Variants in PAN3 observed in about 807,000 individuals in gnomAD.
PAN3 encodes the protein poly(A) specific ribonuclease subunit PAN3, also known as PAN2-PAN3 deadenylation complex subunit PAN3.
Under a neutral mutation model 96.2 loss-of-function variants are expected in PAN3, and 19 were observed. The ratio of observed to expected loss-of-function variants is 0.20; its 90% confidence interval spans 0.14 to 0.29. The LOEUF is 0.29. Among genes scored for constraint, PAN3 ranks in the 10% least tolerant of loss-of-function variants. The pLI is 1.00. For synonymous variants in PAN3, 433 were observed against 406.6 expected (o/e 1.06, Z -0.78); for missense variants, 882 against 1,108.1 (o/e 0.80, Z 2.90).
chr13:28,203,414 C>T (rs2138270415), intron 5 of PAN3, among the ~76,000 whole-genome samples: 1 of 152,190 alleles, frequency 6.6e-6, no homozygotes, highest in South Asian at 2.1e-4. Flanking sequence ...AGCAGTTCTC[C>T]CACTTTAGCC....
At chr13:28,224,608 A>G (rs1170621920) in intron 6 of PAN3, among the ~76,000 whole-genome samples, 1 of 151,994 alleles carries the variant, frequency 6.6e-6, no homozygotes, top group Non-Finnish European at 1.5e-5. Context: ...ATCATTAGAT[A>G]TGTTTTCTTG....
chr13:28,160,377 T>G (rs1035538492), intron 1 of PAN3, among the ~76,000 whole-genome samples: 1 of 152,146 alleles, frequency 6.6e-6, no homozygotes, highest in Non-Finnish European at 1.5e-5. Flanking sequence ...GCAGTGGAAA[T>G]GAATTAGAGG....
chr13:28,210,396 T>C (rs532582345), intron 5 of PAN3, among the ~76,000 whole-genome samples: 1 of 152,134 alleles, frequency 6.6e-6, no homozygotes, highest in East Asian at 1.9e-4. Flanking sequence ...AGGAGAACTT[T>C]TATTTAGAAG....
intron 1 of PAN3, among the ~76,000 whole-genome samples, chr13:28,154,757 A>G (rs1048838497): frequency 4.0e-5 from 6 of 151,110 alleles, no homozygotes; most frequent in African/African-American, 1.5e-4. Context: ...TAGCCTCCCA[A>G]AGTGCTAGGA....
At chr13:28,244,500 A>G (rs1883988666) in intron 6 of PAN3, among the ~76,000 whole-genome samples, 1 of 152,158 alleles carries the variant, frequency 6.6e-6, no homozygotes, top group African/African-American at 2.4e-5. Context: ...TGAGCAGGTC[A>G]TCTCCTCCCT....
intron 1 of PAN3, among the ~76,000 whole-genome samples, chr13:28,163,496 A>G (rs868553510): frequency 8.5e-5 from 13 of 152,210 alleles, no homozygotes; most frequent in Admixed American, 6.5e-4. Context: ...TCCACACCAC[A>G]ACCCTATGAG....
At chr13:28,272,299 C>T (rs1358375349) in intron 14 of PAN3, 1 of 323,460 alleles carries the variant, frequency 3.1e-6, no homozygotes, top group African/African-American at 2.2e-5. Context: ...TTGCTTCTGT[C>T]TTGCTCTGTC....
chr13:28,182,529 A>G (rs1379032432), intron 4 of PAN3, among the ~76,000 whole-genome samples: 8 of 152,102 alleles, frequency 5.3e-5, no homozygotes, highest in African/African-American at 1.7e-4. Context: ...ACTTCTGTAA[A>G]TTTTTTTAAG....
At chr13:28,192,505 C>T (rs1410386678) in intron 4 of PAN3, among the ~76,000 whole-genome samples, 1 of 152,234 alleles carries the variant, frequency 6.6e-6, no homozygotes, top group Admixed American at 6.5e-5. Context: ...ACCTATACTA[C>T]ATACTTCCAT....
At chr13:28,261,510 C>T (rs377699512) in intron 9 of PAN3, 52 bp downstream of exon 9, 852 of 1,491,784 alleles carry the variant, frequency 5.7e-4, no homozygotes, top group Non-Finnish European at 7.0e-4. Flanking sequence ...ATAATTCTTA[C>T]GTGGTAGTAC....
chr13:28,257,816 AT>A (rs1299784239), intron 7 of PAN3, among the ~76,000 whole-genome samples: 1 of 142,762 alleles, frequency 7.0e-6, no homozygotes, highest in Non-Finnish European at 1.5e-5. Context: ...AATTATATAA[AT>A]ATATATATTT....
At chr13:28,139,813 T>C (rs1869438904) in intron 1 of PAN3, among the ~76,000 whole-genome samples, 1 of 152,150 alleles carries the variant, frequency 6.6e-6, no homozygotes, top group Non-Finnish European at 1.5e-5. Context: ...TCCTGTCTTC[T>C]ATAGCTTTGT....
chr13:28,138,702 C>G lies in PAN3; in HGVS notation c.45C>G (p.Ser15=). 1 of 1,131,566 alleles carries G rather than the reference C, an allele frequency of 8.8e-7. No homozygotes were observed. Among genetic ancestry groups the G allele is most frequent in the Non-Finnish European group, 1.1e-6 (1 of 870,582 alleles). 70.1% of individuals were successfully genotyped at this position (1,131,566 alleles called of 1,614,324 possible). Reference sequence around the variant, plus strand: ...TCCCGCCCCCCTCGGCCGCCGCCTCCCCTTCCTCCTCCTCGCTGGCGGCGG... The same window carrying G: ...TCCCGCCCCCCTCGGCCGCCGCCTCGCCTTCCTCCTCCTCGCTGGCGGCGG... ...GGLPPPSAAA[S]PSSSSLAAAV... The change falls in exon 1 of 19, where the codon TCC becomes TCG. Residue 15 remains serine (S), a synonymous_variant. Coordinates refer to ENST00000380958, the MANE Select transcript of PAN3 (RefSeq NM_175854.8).
intron 2 of PAN3, 69 bp downstream of exon 2, chr13:28,174,462 C>A: frequency 6.7e-7 from 1 of 1,497,348 alleles, no homozygotes; most frequent in East Asian, 2.4e-5. Flanking sequence ...ATAGAGTCTT[C>A]ATTTATTCCT....
At chr13:28,202,383 C>T (rs889306634) in intron 5 of PAN3, among the ~76,000 whole-genome samples, 37 of 152,228 alleles carry the variant, frequency 2.4e-4, no homozygotes, top group African/African-American at 5.8e-4. Flanking sequence ...TTATTCCTTA[C>T]GCATATACAG....
Position 28,177,880 on chromosome 13 carries a change from C to G in PAN3, c.635C>G (p.Pro212Arg), listed in dbSNP as rs772024995. Residue 212 changes from proline (P) to arginine (R), a missense_variant, in exon 4 of 19, where the codon CCT (proline) becomes CGT (arginine). Physicochemically the swap from Pro to Arg is moderately radical, Grantham distance 103. Coordinates refer to ENST00000380958, the MANE Select transcript of PAN3 (RefSeq NM_175854.8). Reference protein sequence around the residue: ...PYSAHDPLTSPASSLFNDFGA... With the variant: ...PYSAHDPLTSRASSLFNDFGA... ...TACCTTTCAGATCCTCTAACATCAC[C>G]TGCTTCATCCTTGTTTAATGACTTT... is the stretch of plus-strand genomic sequence containing the variant. 1.2e-6 allele frequency: 2 copies of G among 1,613,066 alleles called. No individual in the cohort carries two copies. The highest frequency in any genetic ancestry group is 1.7e-6 in the Non-Finnish European group (2 of 1,179,290).
At chr13:28,234,899 A>G (rs1309960168) in intron 6 of PAN3, among the ~76,000 whole-genome samples, 3 of 152,042 alleles carry the variant, frequency 2.0e-5, no homozygotes, top group Non-Finnish European at 2.9e-5. Context: ...TACTCTTGCC[A>G]TCATAGCCGC....
At chr13:28,185,797 G>A (rs1021989367) in intron 4 of PAN3, among the ~76,000 whole-genome samples, 1 of 152,118 alleles carries the variant, frequency 6.6e-6, no homozygotes, top group Non-Finnish European at 1.5e-5. Flanking sequence ...AAACCATGGT[G>A]CATTTATCTC....
intron 15 of PAN3, among the ~76,000 whole-genome samples, chr13:28,277,709 C>T (rs9582032): frequency 0.048 from 7,267 of 152,320 alleles, 273 homozygotes; most frequent in South Asian, 0.15. Flanking sequence ...AAGAGCTCAG[C>T]AGCCACATGT....
Sources: allele counts gnomAD v4.1 joint callset (sites outside exome capture counted in the v4.1 genomes callset), GRCh38; gene constraint gnomAD v4.1.1; transcripts MANE v1.5; gene names NCBI Gene and HGNC (gene_info 2026-07-23, HGNC 2026-07-21).